FTCDNL1: variants seen among roughly 807,000 people sequenced by gnomAD.
FTCDNL1 encodes formiminotransferase N-terminal subdomain-containing protein.
Under a neutral mutation model 5.9 loss-of-function variants are expected in FTCDNL1, and 11 were observed. That is an observed-to-expected ratio of 1.87 (90% CI 1.18 to 3.10). FTCDNL1 has a LOEUF of 3.10. FTCDNL1 is among the 30% of genes most tolerant of loss of function. The probability of loss-of-function intolerance (pLI) is 0.00; values close to 1 mark genes in which losing one functional copy is unlikely to be tolerated. For synonymous variants in FTCDNL1, 58 were observed against 24.8 expected (o/e 2.34, Z -3.99); for missense variants, 115 against 65.5 (o/e 1.76, Z -2.61).
the FTCDNL1 span, among the ~76,000 whole-genome samples, chr2:199,667,223 T>C: frequency 3.9e-5 from 6 of 152,204 alleles, no homozygotes. Context: ...GGTTTTCCTG[T>C]CCATTATTAC....
At chr2:199,679,275 C>A in the FTCDNL1 span, among the ~76,000 whole-genome samples, 2 of 152,024 alleles carry the variant, frequency 1.3e-5, no homozygotes, top group African/African-American at 4.8e-5. Context: ...TTTTCCTTAT[C>A]CATTGTTATG....
At chr2:199,668,254 A>G in the FTCDNL1 span, among the ~76,000 whole-genome samples, 3 of 152,212 alleles carry the variant, frequency 2.0e-5, no homozygotes, top group African/African-American at 4.8e-5. Context: ...TTAACTTTAA[A>G]GTTTAAAAAT....
the FTCDNL1 span, among the ~76,000 whole-genome samples, chr2:199,703,635 G>C: frequency 0.74 from 112,041 of 151,942 alleles, 42,021 homozygotes; most frequent in South Asian, 0.9. Flanking sequence ...AGGTGTGAAG[G>C]TTAAAAAATT....
At chr2:199,809,168 A>G (rs1432388648), downstream of FTCDNL1, among the ~76,000 whole-genome samples, 1 of 152,150 alleles carries the variant, frequency 6.6e-6, no homozygotes, top group African/African-American at 2.4e-5. Context: ...GAATAATATA[A>G]ATGCAGTCAG....
chr2:199,705,397 T>C, the FTCDNL1 span, among the ~76,000 whole-genome samples: 6 of 152,322 alleles, frequency 3.9e-5, no homozygotes, highest in Admixed American at 2.6e-4. Flanking sequence ...TATATTTTTC[T>C]TCAATTTCAA....
At chr2:199,756,371 G>A (rs1317794458), downstream of FTCDNL1, among the ~76,000 whole-genome samples, 2 of 152,106 alleles carry the variant, frequency 1.3e-5, no homozygotes, top group African/African-American at 4.8e-5. Context: ...GTGGGGGTGG[G>A]AGCCTGGCAT....
chr2:199,672,894 G>A, the FTCDNL1 span, among the ~76,000 whole-genome samples: 1 of 151,938 alleles, frequency 6.6e-6, no homozygotes, highest in Non-Finnish European at 1.5e-5. Context: ...TGGTAGAATT[G>A]AGTCACTAAA....
At chr2:199,849,120 T>A (rs1290976597) in intron 1 of FTCDNL1, 151 bp from the exon 2 acceptor site, 1 of 593,392 alleles carries the variant, frequency 1.7e-6, no homozygotes, top group African/African-American at 1.9e-5. Context: ...AAGCATAAAA[T>A]CTCCAGATTG....
chr2:199,738,623 T>C, the FTCDNL1 span, among the ~76,000 whole-genome samples: 1 of 152,300 alleles, frequency 6.6e-6, no homozygotes, highest in South Asian at 2.1e-4. Context: ...GATACACAAT[T>C]CAAGGTCAAA....
Position 199,812,180 on chromosome 2 carries a change from T to A in FTCDNL1, c.*525A>T, listed in dbSNP as rs1701075478. On this transcript the variant is annotated 3_prime_UTR_variant, in exon 5 of 5. Coordinates refer to ENST00000420128, the MANE Select transcript of FTCDNL1 (RefSeq NM_001363886.2). ...GTAGTGATAAAACGGAGACAATTAA[T>A]GAATCTGAGATGTTTCTGACCTAAT... Among the ~76,000 whole-genome samples, 1 of 152,228 alleles carries A rather than the reference T, an allele frequency of 6.6e-6. No individual in the cohort carries two copies. The highest frequency in any genetic ancestry group is 2.1e-4 in the South Asian group (1 of 4,834).
chr2:199,748,803 C>T, the FTCDNL1 span, among the ~76,000 whole-genome samples: 1 of 152,190 alleles, frequency 6.6e-6, no homozygotes, highest in Non-Finnish European at 1.5e-5. Context: ...ACCAATTCTA[C>T]AGGAACTGCC....
the FTCDNL1 span, among the ~76,000 whole-genome samples, chr2:199,700,896 A>T: frequency 6.6e-6 from 1 of 151,922 alleles, no homozygotes; most frequent in Non-Finnish European, 1.5e-5. Context: ...CTCAAGATGG[A>T]TTAAAGACTT....
At chr2:199,849,636 G>T (rs747631798) in intron 1 of FTCDNL1, among the ~76,000 whole-genome samples, 2 of 152,092 alleles carry the variant, frequency 1.3e-5, no homozygotes, top group African/African-American at 2.4e-5. Flanking sequence ...TCAAAAATGT[G>T]ATTTTTGTTG....
At chr2:199,832,658 T>C (rs1702447124) in intron 3 of FTCDNL1, among the ~76,000 whole-genome samples, 1 of 152,102 alleles carries the variant, frequency 6.6e-6, no homozygotes, top group Non-Finnish European at 1.5e-5. Flanking sequence ...AATCTTGATA[T>C]ATAAAACAGA....
intron 3 of FTCDNL1, among the ~76,000 whole-genome samples, chr2:199,773,647 T>C (rs1698921218): frequency 6.6e-6 from 1 of 152,222 alleles, no homozygotes; most frequent in African/African-American, 2.4e-5. Flanking sequence ...GAGGGACACC[T>C]GCACTTAGCC....
At chr2:199,712,915 A>T in the FTCDNL1 span, among the ~76,000 whole-genome samples, 1 of 152,208 alleles carries the variant, frequency 6.6e-6, no homozygotes, top group African/African-American at 2.4e-5. Context: ...CTGCCAAGAC[A>T]TGACATCCAA....
chr2:199,790,425 G>T (rs906924870), intron 3 of FTCDNL1, among the ~76,000 whole-genome samples: 1 of 151,594 alleles, frequency 6.6e-6, no homozygotes, highest in African/African-American at 2.4e-5. Context: ...TTGAACCTGG[G>T]AGGCGGAGGT....
chr2:199,828,447 G>T (rs1306957481), intron 3 of FTCDNL1, among the ~76,000 whole-genome samples: 1 of 152,174 alleles, frequency 6.6e-6, no homozygotes, highest in Non-Finnish European at 1.5e-5. Flanking sequence ...GTTTTGTTCA[G>T]ATTTGCTGTA....
At chr2:199,754,916 C>A in the FTCDNL1 span, among the ~76,000 whole-genome samples, 14 of 152,148 alleles carry the variant, frequency 9.2e-5, no homozygotes, top group Non-Finnish European at 1.9e-4. Context: ...ACACTTTTAG[C>A]GGTAGAAAAT....
Sources: allele counts gnomAD v4.1 joint callset (sites outside exome capture counted in the v4.1 genomes callset), GRCh38; gene constraint gnomAD v4.1.1; transcripts MANE v1.5; gene names NCBI Gene and HGNC (gene_info 2026-07-23, HGNC 2026-07-21).